PPM1E: variants seen among roughly 807,000 people sequenced by gnomAD.
PPM1E encodes protein phosphatase 1E.
In PPM1E, 20 loss-of-function variants were observed where a neutral mutation model predicts 65.9. That is an observed-to-expected ratio of 0.30 (90% CI 0.21 to 0.44). The LOEUF (loss-of-function observed/expected upper bound fraction) is 0.44. Ranked by LOEUF, PPM1E falls within the 20% of genes least tolerant of loss-of-function variation. The probability of loss-of-function intolerance (pLI) is 1.00; values close to 1 mark genes in which losing one functional copy is unlikely to be tolerated. For synonymous variants in PPM1E, 352 were observed against 374.9 expected (o/e 0.94, Z 0.70); for missense variants, 713 against 953.1 (o/e 0.75, Z 3.32).
intron 1 of PPM1E, among the ~76,000 whole-genome samples, chr17:58,812,989 C>T (rs1445609094): frequency 6.6e-6 from 1 of 152,088 alleles, no homozygotes; most frequent in East Asian, 1.9e-4. Flanking sequence ...AGTCTTAAGG[C>T]CCAAACAGTG....
At chr17:58,852,824 G>A (rs953592407) in intron 1 of PPM1E, among the ~76,000 whole-genome samples, 2 of 151,954 alleles carry the variant, frequency 1.3e-5, no homozygotes, top group African/African-American at 4.8e-5. Context: ...GGATGGTCTC[G>A]ATCTCTTGAC....
At chr17:58,899,620 G>A (rs9892062) in intron 1 of PPM1E, 134,698 of 217,890 alleles carry the variant, frequency 0.62, 42,445 homozygotes, top group African/African-American at 0.71. Flanking sequence ...GCAGTTGTGT[G>A]GTAGGTAAGG....
chr17:58,959,340 C>T (rs2029957288), intron 2 of PPM1E, among the ~76,000 whole-genome samples: 1 of 149,318 alleles, frequency 6.7e-6, no homozygotes, highest in African/African-American at 2.5e-5. Context: ...CGACTCATGC[C>T]TGTAATCCCA....
intron 1 of PPM1E, among the ~76,000 whole-genome samples, chr17:58,769,582 C>T (rs988007111): frequency 6.6e-6 from 1 of 152,072 alleles, no homozygotes; most frequent in Non-Finnish European, 1.5e-5. Flanking sequence ...CACCACTGCA[C>T]TCCAGCCTGA....
chr17:58,940,599 C>T (rs928504675), intron 1 of PPM1E, among the ~76,000 whole-genome samples: 1 of 152,194 alleles, frequency 6.6e-6, no homozygotes, highest in Non-Finnish European at 1.5e-5. Context: ...TCATTTCTTA[C>T]ATTTGTTGAA....
chr17:58,908,874 C>T (rs929952776), intron 1 of PPM1E, among the ~76,000 whole-genome samples: 1 of 152,182 alleles, frequency 6.6e-6, no homozygotes, highest in Non-Finnish European at 1.5e-5. Context: ...ATAATCCTAA[C>T]TCCTACCTCC....
Position 58,981,234 on chromosome 17 carries a change from A to G in PPM1E, c.*203A>G. 3 of 529,188 alleles carry G rather than the reference A, an allele frequency of 5.7e-6. No individual in the cohort carries two copies. Among genetic ancestry groups the G allele is most frequent in the Non-Finnish European group, 6.6e-6 (2 of 303,544 alleles). The allele number at this position is 529,188 out of a possible 1,614,324, so 32.8% of individuals were successfully genotyped here. ...AAGTATTGGCAGTTTCACTTGCAAA[A>G]TTACACAGCTGGTCCCTGTGATGTG... On this transcript the variant is annotated 3_prime_UTR_variant, in exon 7 of 7. Coordinates refer to ENST00000308249, the MANE Select transcript of PPM1E (RefSeq NM_014906.5).
At chr17:58,897,301 C>G (rs2051432201) in intron 1 of PPM1E, among the ~76,000 whole-genome samples, 2 of 151,792 alleles carry the variant, frequency 1.3e-5, no homozygotes, top group Non-Finnish European at 2.9e-5. Context: ...GTAGTCCCAG[C>G]TACTTGGGAG....
At chr17:58,848,832 A>C (rs2143251796) in intron 1 of PPM1E, among the ~76,000 whole-genome samples, 1 of 152,352 alleles carries the variant, frequency 6.6e-6, no homozygotes, top group South Asian at 2.1e-4. Context: ...TGATTGGAAT[A>C]GTTTCAGAAG....
At chr17:58,759,423 A>G (rs534348637) in intron 1 of PPM1E, among the ~76,000 whole-genome samples, 1 of 152,350 alleles carries the variant, frequency 6.6e-6, no homozygotes, top group South Asian at 2.1e-4. Context: ...AAATAAGGGT[A>G]TAACTGATCT....
intron 1 of PPM1E, among the ~76,000 whole-genome samples, chr17:58,862,514 A>G (rs1429377016): frequency 1.3e-5 from 2 of 152,196 alleles, no homozygotes; most frequent in African/African-American, 2.4e-5. Flanking sequence ...CTTCTATCCT[A>G]TGAGAAAATG....
chr17:58,881,145 A>T (rs1273213990), intron 1 of PPM1E, among the ~76,000 whole-genome samples: 4 of 152,110 alleles, frequency 2.6e-5, no homozygotes, highest in Non-Finnish European at 5.9e-5. Context: ...TCTGCTTTTC[A>T]CTTTCCCGTT....
chr17:58,775,920 C>CAAAAAAAAAAAAAA (rs1158158641), intron 1 of PPM1E, among the ~76,000 whole-genome samples: 1 of 52,496 alleles, frequency 1.9e-5, no homozygotes, highest in Non-Finnish European at 2.9e-5. Context: ...GACTCCGTCT[C>CAAAAAAAAAAAAAA]AAAAAAAAAA....
In PPM1E at chr17:58,851,162, A is replaced by G. The variant is rs182752741; in HGVS notation, c.464+94701A>G. On this transcript the variant is annotated intron_variant, in intron 1 of 6. Transcript: ENST00000308249. ...AGGGCTTCTCTACAATGTTTATTCT[A>G]GTTAGCCGTTCATCTAATCTTTTTT... is the stretch of plus-strand genomic sequence containing the variant. Among the ~76,000 whole-genome samples, 1,212 of 152,196 alleles carry G rather than the reference A, an allele frequency of 8.0e-3. 59 individuals carry two copies. Among genetic ancestry groups the G allele is most frequent in the Admixed American group, 0.073 (1,115 of 15,282 alleles).
intron 4 of PPM1E, 45 bp downstream of exon 4, chr17:58,969,772 A>C: frequency 3.2e-6 from 5 of 1,575,156 alleles, no homozygotes; most frequent in Non-Finnish European, 4.4e-6. Context: ...GTACTAGCTG[A>C]GCTCAATTTG....
intron 4 of PPM1E, among the ~76,000 whole-genome samples, chr17:58,971,740 A>T (rs1331733852): frequency 2.0e-5 from 3 of 152,218 alleles, no homozygotes; most frequent in African/African-American, 7.2e-5. Flanking sequence ...GGAGAGCAGA[A>T]TATAGAAATT....
intron 1 of PPM1E, among the ~76,000 whole-genome samples, chr17:58,896,717 C>T (rs1272349702): frequency 2.0e-5 from 3 of 152,188 alleles, no homozygotes; most frequent in Non-Finnish European, 4.4e-5. Context: ...GAGGTAGACC[C>T]TGCAGCATTA....
At chr17:58,910,593 G>A (rs1295519818) in intron 1 of PPM1E, among the ~76,000 whole-genome samples, 1 of 152,168 alleles carries the variant, frequency 6.6e-6, no homozygotes, top group Non-Finnish European at 1.5e-5. Context: ...AAAAGGAACT[G>A]CTATAAATAG....
chr17:58,916,967 T>C (rs1320963008), intron 1 of PPM1E, among the ~76,000 whole-genome samples: 1 of 152,120 alleles, frequency 6.6e-6, no homozygotes, highest in East Asian at 1.9e-4. Flanking sequence ...CCCAGCACTT[T>C]GGGAGGCCAA....
Sources: gnomAD v4.1 joint callset for allele counts (sites outside exome capture counted in the v4.1 genomes callset) on GRCh38, gnomAD v4.1.1 for gene constraint, MANE v1.5 for transcripts, NCBI Gene and HGNC (gene_info 2026-07-23, HGNC 2026-07-21) for gene names.